TRPA1: variants seen among roughly 807,000 people sequenced by gnomAD.
TRPA1 encodes the protein transient receptor potential cation channel subfamily A member 1.
In TRPA1, 129 loss-of-function variants were observed where a neutral mutation model predicts 131.3. The observed-to-expected ratio is 0.98, with a 90% CI of 0.85 to 1.14. TRPA1 has a LOEUF of 1.14. Ranked by LOEUF, TRPA1 falls within the 50% of genes most tolerant of loss-of-function variation. The pLI is 0.00. For missense variants in TRPA1, 1,304 were observed against 1,354.2 expected (o/e 0.96, Z 0.58); for synonymous variants, 441 against 451.7 (o/e 0.98, Z 0.30).
chr8:72,068,061 A>G (rs1028876674), intron 3 of TRPA1, among the ~76,000 whole-genome samples: 1 of 152,244 alleles, frequency 6.6e-6, no homozygotes, highest in Non-Finnish European at 1.5e-5. Context: ...GGATTTTAAT[A>G]GAGCCACATA....
chr8:72,074,157 A>G (rs1159832107), intron 1 of TRPA1, among the ~76,000 whole-genome samples: 1 of 75,654 alleles, frequency 1.3e-5, no homozygotes, highest in Non-Finnish European at 2.8e-5. Flanking sequence ...AGCTACATCT[A>G]AACTCACAGA....
intron 26 of TRPA1, chr8:72,023,386 C>T: frequency 1.9e-6 from 1 of 522,300 alleles, no homozygotes; most frequent in African/African-American, 1.9e-5. Context: ...GCAGATTGCC[C>T]AGGGTCACAG....
At chr8:72,033,914 T>G in intron 22 of TRPA1, 88 bp from the exon 23 acceptor site, 1 of 1,297,124 alleles carries the variant, frequency 7.7e-7, no homozygotes, top group South Asian at 1.2e-5. Flanking sequence ...AAAACTATAT[T>G]CAGAATACTT....
Position 72,071,735 on chromosome 8 carries a change from T to A in TRPA1, c.244A>T (p.Ile82Phe), listed in dbSNP as rs756448203. Residue 82 changes from isoleucine (I) to phenylalanine (F), a missense_variant, in exon 2 of 27, where the codon ATC becomes TTC. Physicochemically the swap from Ile to Phe is conservative, Grantham distance 21. Transcript: ENST00000262209. The part of the protein sequence containing the change: ...AEGQIELMEK[I>F]TRDSSLEVLH... ...CCTTCCAAAGAGGAATCTCTGGTGA[T>A]CTTCTCCATTAGCTCAATTTGGCCT... The A allele has an allele frequency of 6.2e-7, 1 of 1,613,848 alleles. No individual in the cohort carries two copies. Among genetic ancestry groups the A allele is most frequent in the Non-Finnish European group, 8.5e-7 (1 of 1,179,846 alleles).
intron 3 of TRPA1, among the ~76,000 whole-genome samples, chr8:72,068,442 T>C (rs1805980330): frequency 6.6e-6 from 1 of 152,174 alleles, no homozygotes; most frequent in Non-Finnish European, 1.5e-5. Flanking sequence ...TGAAAACCAA[T>C]AGGATGTTTC....
At chr8:72,087,485 A>C in the TRPA1 span, among the ~76,000 whole-genome samples, 4 of 152,154 alleles carry the variant, frequency 2.6e-5, no homozygotes, top group African/African-American at 9.7e-5. Flanking sequence ...TTCTGAGTGC[A>C]TATTAAAATT....
At chr8:72,036,598 C>A in intron 20 of TRPA1, 141 bp from the exon 21 acceptor site, 1 of 751,244 alleles carries the variant, frequency 1.3e-6, no homozygotes. Flanking sequence ...TAACCTCACG[C>A]CATCCTGGAT....
At chr8:72,038,219 CT>C (rs1812122394) in intron 19 of TRPA1, 147 bp from the exon 20 acceptor site, 1 of 550,332 alleles carries the variant, frequency 1.8e-6, no homozygotes, top group African/African-American at 1.9e-5. Context: ...GAAAATTTAA[CT>C]GACACCAATA....
upstream of TRPA1, among the ~76,000 whole-genome samples, chr8:72,079,490 C>A (rs568286353): frequency 6.6e-6 from 1 of 152,024 alleles, no homozygotes; most frequent in East Asian, 1.9e-4. Context: ...TGCCTTCAAA[C>A]CATTGTCAAA....
chr8:72,050,944 ATTATTTCT>A, intron 14 of TRPA1, 73 bp from the exon 15 acceptor site: 1 of 1,124,266 alleles, frequency 8.9e-7, no homozygotes, highest in South Asian at 1.3e-5. Context: ...GAAACTCAAG[ATTATTTCT>A]TTAGGGGAAA....
intron 15 of TRPA1, among the ~76,000 whole-genome samples, chr8:72,048,075 G>A (rs1281195028): frequency 2.0e-5 from 3 of 151,950 alleles, no homozygotes; most frequent in Non-Finnish European, 4.4e-5. Flanking sequence ...GATAGATGTT[G>A]TAATGAGAAA....
At position 72,038,861 on chromosome 8, in the gene TRPA1, T is replaced by G; in HGVS notation, c.2295+4A>C. 1 of 1,608,486 alleles carries G rather than the reference T, an allele frequency of 6.2e-7. No individual in the cohort carries two copies. The highest frequency in any genetic ancestry group is 8.5e-7 in the Non-Finnish European group (1 of 1,177,360). Reference sequence around the variant, plus strand: ...TATTTTAGAAAGTTAAAATTTGAAATTACCGTGGTATCTAGTATTTCTGAA... The same window carrying G: ...TATTTTAGAAAGTTAAAATTTGAAAGTACCGTGGTATCTAGTATTTCTGAA... On this transcript the variant is annotated splice_donor_region_variant and intron_variant, in intron 19 of 26. Transcript: ENST00000262209.
chr8:72,068,484 ATCTG>A (rs5892321), intron 3 of TRPA1, among the ~76,000 whole-genome samples: 55,872 of 151,808 alleles, frequency 0.37, 10,730 homozygotes, highest in East Asian at 0.55. Context: ...CTGCTAACTA[ATCTG>A]TCTGACAGGC....
intron 2 of TRPA1, 24 bp downstream of exon 2, chr8:72,071,687 A>C: frequency 1.2e-6 from 2 of 1,612,142 alleles, no homozygotes; most frequent in Non-Finnish European, 1.7e-6. Flanking sequence ...GATTTCTGGA[A>C]GATGAATTGT....
chr8:72,023,737 A>C, intron 26 of TRPA1, 77 bp downstream of exon 26: 1 of 899,566 alleles, frequency 1.1e-6, no homozygotes, highest in Non-Finnish European at 1.8e-6. Context: ...CATCAATATA[A>C]AATATAATCT....
rs1805809086 is a variant in TRPA1, at chr8:72,061,635, T to C, written c.934A>G (p.Met312Val). ...AGGTAGGAAACTTGCCTGTGAAGCA[T>C]GGTCTCATGACATCCATCGGTTGTG... ...VNTTDGCHET[M>V]LHRASLFDHH... The change falls in exon 7 of 27, where the codon ATG becomes GTG. Residue 312 changes from methionine to valine, a missense_variant. Physicochemically the swap from Met to Val is conservative, Grantham distance 21 (BLOSUM62 1). Transcript: ENST00000262209. 1.2e-6 allele frequency: 2 copies of C among 1,614,036 alleles called. No individual in the cohort carries two copies. Among genetic ancestry groups the C allele is most frequent in the East Asian group, 2.2e-5 (1 of 44,864 alleles).
At position 72,036,318 on chromosome 8, in the gene TRPA1, T is replaced by C. The variant is rs760279453; in HGVS notation, c.2525A>G (p.Tyr842Cys). 2 of 1,614,080 alleles carry C rather than the reference T, an allele frequency of 1.2e-6. No homozygotes were observed. Among genetic ancestry groups the C allele is most frequent in the South Asian group, 1.1e-5 (1 of 91,070 alleles). The change falls in exon 21 of 27, where the codon TAT (tyrosine) becomes TGT (cysteine). Residue 842 changes from tyrosine to cysteine, a missense_variant. Physicochemically the swap from Tyr to Cys is radical, Grantham distance 194. Transcript: ENST00000262209. Reference protein sequence around the residue: ...WQCGAIAVYFYWMNFLLYLQR... With the variant: ...WQCGAIAVYFCWMNFLLYLQR... Reference sequence around the variant, plus strand: ...AAGATACAATAAGAAATTCATCCAATAGAAGTAAACAGCAATTGCTCCACA... The same window carrying C: ...AAGATACAATAAGAAATTCATCCAACAGAAGTAAACAGCAATTGCTCCACA...
chr8:72,043,169 G>T (rs533459500), intron 17 of TRPA1, among the ~76,000 whole-genome samples: 3 of 151,900 alleles, frequency 2.0e-5, no homozygotes, highest in East Asian at 3.9e-4. Flanking sequence ...TCAGTTCTAG[G>T]CAGGCCTCCA....
intron 3 of TRPA1, among the ~76,000 whole-genome samples, chr8:72,067,341 C>A (rs572850511): frequency 6.6e-6 from 1 of 152,220 alleles, no homozygotes; most frequent in East Asian, 1.9e-4. Context: ...CCAGAGGAGT[C>A]TGAAAATATT....
Sources: gnomAD v4.1 joint callset for allele counts (sites outside exome capture counted in the v4.1 genomes callset) on GRCh38, gnomAD v4.1.1 for gene constraint, MANE v1.5 for transcripts, NCBI Gene and HGNC (gene_info 2026-07-23, HGNC 2026-07-21) for gene names.